Variants in PIWIL3 observed in about 807,000 individuals in gnomAD.
PIWIL3 encodes the protein piwi-like protein 3.
Under a neutral mutation model 109.7 loss-of-function variants are expected in PIWIL3, and 101 were observed. The observed-to-expected ratio is 0.92, with a 90% CI of 0.78 to 1.09. The LOEUF (loss-of-function observed/expected upper bound fraction) is 1.09, where lower values mean the gene tolerates loss of function less well. Among genes scored for constraint, PIWIL3 ranks in the 50% least tolerant of loss-of-function variants. The pLI is 0.00. For missense variants in PIWIL3, 1,031 were observed against 1,072.6 expected, an observed-to-expected ratio of 0.96 and a Z score of 0.54; for synonymous variants, 373 against 376.4, an observed-to-expected ratio of 0.99 and a Z score of 0.10.
chr22:24,739,946 G>GA (rs2147674258), intron 12 of PIWIL3, among the ~76,000 whole-genome samples: 1 of 151,810 alleles, frequency 6.6e-6, no homozygotes, highest in African/African-American at 2.4e-5. Context: ...AGCTACTCAG[G>GA]AGGCTGAGGC....
intron 16 of PIWIL3, among the ~76,000 whole-genome samples, chr22:24,727,340 AG>A (rs1923058045): frequency 6.6e-6 from 1 of 152,236 alleles, no homozygotes; most frequent in Admixed American, 6.5e-5. Context: ...CTCCTTTAAA[AG>A]CAGGGATGTT....
intron 1 of PIWIL3, among the ~76,000 whole-genome samples, chr22:24,768,030 C>T (rs758131842): frequency 6.6e-6 from 1 of 152,102 alleles, no homozygotes; most frequent in Admixed American, 6.6e-5. Context: ...AAAAAGAGTG[C>T]TCACATTCAC....
In PIWIL3 at chr22:24,735,868, A is replaced by G. The variant is rs1260910585; in HGVS notation, c.1474T>C (p.Trp492Arg). 6.2e-7 allele frequency: 1 copy of G among 1,604,038 alleles called. No homozygotes were observed. Reference sequence around the variant, plus strand: ...GGTAATTCTCTTATTTCTCTTGACCAGTCTCCTTGTGAATTGGCTTTAACC... The same window carrying G: ...GGTAATTCTCTTATTTCTCTTGACCGGTCTCCTTGTGAATTGGCTTTAACC... ...RMVKANSQGD[W>R]SREIRELPLL... Residue 492 changes from tryptophan to arginine, a missense_variant, in exon 13 of 21, where the codon TGG (tryptophan) becomes CGG (arginine). Transcript: ENST00000616349.
chr22:24,745,190 T>C (rs1924280231), intron 12 of PIWIL3, among the ~76,000 whole-genome samples: 1 of 152,096 alleles, frequency 6.6e-6, no homozygotes, highest in South Asian at 2.1e-4. Flanking sequence ...AACCATGACA[T>C]ACCAAAACCT....
chr22:24,757,921 T>G lies in PIWIL3; in HGVS notation c.342A>C (p.Lys114Asn). 6.2e-7 allele frequency: 1 copy of G among 1,610,426 alleles called. No individual in the cohort carries two copies. Among genetic ancestry groups the G allele is most frequent in the African/African-American group, 1.3e-5 (1 of 74,638 alleles). The change falls in exon 4 of 21, where the codon AAA becomes AAC. Residue 114 changes from lysine (K) to asparagine (N), a missense_variant. Transcript: ENST00000616349. ...VNTRQDMKHV[K>N]DSKTGSEGTV... ...AGACCAACATACCTGTTTTTGAGTCTTTAACATGCTTCATATCTTGCCTGG... is the reference window on the plus strand; with the variant it reads ...AGACCAACATACCTGTTTTTGAGTCGTTAACATGCTTCATATCTTGCCTGG...
rs146639297 is a variant in PIWIL3 at position 24,748,958 on chromosome 22, G to A, written c.1398C>T (p.Ser466=). 1.9e-5 allele frequency: 30 copies of A among 1,613,216 alleles called. No homozygotes were observed. In the African/African-American group the frequency reaches 2.1e-4, roughly 11 times the overall value. Residue 466 remains serine, a synonymous_variant, in exon 12 of 21, where the codon TCC becomes TCT. Transcript: ENST00000616349. ...WDLKFDTNFL[S]VPGRVLKNAN... is the part of the protein sequence containing the mutation. ...CGTTTTTCAAAACTCTTCCCGGGAC[G>A]GACAAAAAATTGGTATCAAATTTCA...
Position 24,749,520 on chromosome 22 carries a change from A to G in PIWIL3, c.1218T>C (p.Gly406=). 6.2e-7 allele frequency: 1 copy of G among 1,612,838 alleles called. No homozygotes were observed. The highest frequency in any genetic ancestry group is 1.3e-5 in the African/African-American group (1 of 74,942). The change falls in exon 11 of 21, where the codon GGT becomes GGC. Residue 406 remains glycine (G), a splice_region_variant and synonymous_variant. Coordinates refer to ENST00000616349, the MANE Select transcript of PIWIL3 (RefSeq NM_001255975.1). ...LLIPQLCHMT[G]LTDEICKDYS... ...AATCTTTACATATTTCATCTGTTAG[A>G]CCTTTAAAAAAATCCAAAAGATACA...
chr22:24,724,250 AT>A (rs58351104), intron 18 of PIWIL3, among the ~76,000 whole-genome samples: 14,879 of 148,576 alleles, frequency 0.1, 1,069 homozygotes, highest in African/African-American at 0.2. Context: ...AAAACATCAG[AT>A]TTTTTTTTTT....
chr22:24,726,788 G>A (rs190615855), intron 16 of PIWIL3, among the ~76,000 whole-genome samples: 129 of 152,272 alleles, frequency 8.5e-4, no homozygotes, highest in African/African-American at 3.0e-3. Flanking sequence ...CTGGAAAAAA[G>A]TCATCATCTA....
chr22:24,720,230 G>A (rs1170811631), intron 19 of PIWIL3, among the ~76,000 whole-genome samples: 1 of 147,370 alleles, frequency 6.8e-6, no homozygotes, highest in Non-Finnish European at 1.5e-5. Flanking sequence ...CTGCTGCCTC[G>A]CTGAGAATCA....
At chr22:24,753,523 G>A (rs1354427436) in intron 8 of PIWIL3, among the ~76,000 whole-genome samples, 1 of 152,160 alleles carries the variant, frequency 6.6e-6, no homozygotes, top group Non-Finnish European at 1.5e-5. Flanking sequence ...TTGATTACCA[G>A]AACTTTCTGG....
chr22:24,757,760 T>G, intron 4 of PIWIL3, 148 bp downstream of exon 4: 1 of 898,940 alleles, frequency 1.1e-6, no homozygotes. Flanking sequence ...CAGCTCAGGA[T>G]CAGCTGAGCC....
At chr22:24,738,798 C>T (rs1923814975) in intron 12 of PIWIL3, among the ~76,000 whole-genome samples, 1 of 152,138 alleles carries the variant, frequency 6.6e-6, no homozygotes, top group African/African-American at 2.4e-5. Context: ...GAAAACCTAA[C>T]TTTCAATGCC....
intron 1 of PIWIL3, among the ~76,000 whole-genome samples, chr22:24,769,018 A>G (rs1925965997): frequency 6.6e-6 from 1 of 152,192 alleles, no homozygotes; most frequent in Admixed American, 6.5e-5. Context: ...TCTTAGGTTA[A>G]TAAAAACGAG....
At chr22:24,769,506 G>C (rs370567686) in intron 1 of PIWIL3, among the ~76,000 whole-genome samples, 16 of 152,280 alleles carry the variant, frequency 1.1e-4, no homozygotes, top group Middle Eastern at 3.4e-3. Flanking sequence ...CAGCTACTTG[G>C]GAGGCTGAGG....
At chr22:24,756,387 GGGAT>G in intron 5 of PIWIL3, 100 bp downstream of exon 5, 1 of 1,108,176 alleles carries the variant, frequency 9.0e-7, no homozygotes, top group East Asian at 2.6e-5. Flanking sequence ...AGAGAGCCTT[GGGAT>G]GTCTCAACAA....
At chr22:24,752,883 C>A (rs373137078) in intron 8 of PIWIL3, among the ~76,000 whole-genome samples, 3 of 152,266 alleles carry the variant, frequency 2.0e-5, no homozygotes, top group South Asian at 2.1e-4. Context: ...GAAATGATAT[C>A]TCATTGTGGT....
intron 12 of PIWIL3, among the ~76,000 whole-genome samples, chr22:24,741,050 G>T (rs182666613): frequency 6.6e-6 from 1 of 152,252 alleles, no homozygotes; most frequent in Non-Finnish European, 1.5e-5. Flanking sequence ...ATATCAAAAA[G>T]ATAATCCACC....
intron 19 of PIWIL3, among the ~76,000 whole-genome samples, chr22:24,721,688 ATGTT>A (rs1438421568): frequency 6.6e-6 from 1 of 152,056 alleles, no homozygotes; most frequent in African/African-American, 2.4e-5. Context: ...GACTATATTC[ATGTT>A]TGTTAGATAT....
Sources: allele counts gnomAD v4.1 joint callset (sites outside exome capture counted in the v4.1 genomes callset), GRCh38; gene constraint gnomAD v4.1.1; transcripts MANE v1.5; gene names NCBI Gene and HGNC (gene_info 2026-07-23, HGNC 2026-07-21).